The following IRAG1 variants were observed in gnomAD, a reference collection of about 807,000 sequenced individuals.
The protein encoded by IRAG1 is IP3R-associated cGMP kinase substrate.
A neutral mutation model predicts 106.2 loss-of-function variants in IRAG1; 62 were observed. That is an observed-to-expected ratio of 0.58 (90% CI 0.48 to 0.72). The LOEUF (loss-of-function observed/expected upper bound fraction) is 0.72. Ranked by LOEUF, IRAG1 falls within the 30% of genes least tolerant of loss-of-function variation. The pLI, the probability that IRAG1 is intolerant of heterozygous loss-of-function variation, is 0.00. For synonymous variants in IRAG1, 462 were observed against 443.9 expected (o/e 1.04, Z -0.51); for missense variants, 1,064 against 1,140.7 (o/e 0.93, Z 0.97).
intron 14 of IRAG1, 45 bp from the exon 15 acceptor site, chr11:10,601,104 G>T: frequency 6.2e-7 from 1 of 1,608,504 alleles, no homozygotes; most frequent in Non-Finnish European, 8.5e-7. Context: ...TTGGAGGAAA[G>T]GCTCCGTTGG....
chr11:10,588,684 A>G (rs1852305086), intron 18 of IRAG1, among the ~76,000 whole-genome samples: 2 of 151,214 alleles, frequency 1.3e-5, no homozygotes, highest in Non-Finnish European at 3.0e-5. Flanking sequence ...TCTTCCCCCC[A>G]CTTCCCCAGT....
rs138023717 is a variant in IRAG1, at chr11:10,585,312, T to C, written c.2241-3326A>G. On this transcript the variant is annotated intron_variant, in intron 18 of 20. Coordinates refer to ENST00000423302, the MANE Select transcript of IRAG1 (RefSeq NM_130385.4). ...TTTCAGCTCCCCTATAGGGCTCTCA[T>C]ATACATTCTCTCACTTGATCTTTCC... 2.1e-3 allele frequency among the ~76,000 whole-genome samples: 324 copies of C among 152,244 alleles called. 1 individual carries two copies. The highest frequency in any genetic ancestry group is 7.5e-3 in the African/African-American group (310 of 41,576).
chr11:10,627,251 A>T (rs921662849), intron 8 of IRAG1, among the ~76,000 whole-genome samples: 4 of 152,108 alleles, frequency 2.6e-5, no homozygotes, highest in Non-Finnish European at 5.9e-5. Flanking sequence ...GTGACACTAA[A>T]TTCTACTGCT....
chr11:10,621,912 G>C (rs182489777), intron 10 of IRAG1, among the ~76,000 whole-genome samples: 14 of 152,240 alleles, frequency 9.2e-5, no homozygotes, highest in African/African-American at 3.4e-4. Flanking sequence ...CAAATACATA[G>C]AGACAGAAAG....
intron 1 of IRAG1, among the ~76,000 whole-genome samples, chr11:10,655,371 A>C (rs1858835708): frequency 6.6e-6 from 1 of 152,222 alleles, no homozygotes; most frequent in South Asian, 2.1e-4. Context: ...AGCCCGGAGA[A>C]GAGGAAGTGC....
At chr11:10,680,404 G>GAAAGAAAGGGAAA (rs1554935662) in intron 1 of IRAG1, among the ~76,000 whole-genome samples, 2 of 82,090 alleles carry the variant, frequency 2.4e-5, no homozygotes, top group Non-Finnish European at 4.3e-5. Flanking sequence ...AAGGAAGGAA[G>GAAAGAAAGGGAAA]GAAAGAAAGG....
chr11:10,693,628 C>A lies in IRAG1; in HGVS notation c.-26G>T, dbSNP rs1222491649. 1.6e-5 allele frequency: 24 copies of A among 1,534,130 alleles called. No homozygotes were observed. The East Asian group carries it at 5.6e-4, about 36-fold the overall frequency. On this transcript the variant is annotated 5_prime_UTR_variant, in exon 1 of 21. Transcript: ENST00000423302. The stretch of plus-strand genomic sequence containing the variant: ...TTAAGGTCAATGTTACATCTGGCTC[C>A]GGAGCTCAGAGCCGAGAAGCCTCTG...
At chr11:10,654,830 T>TTCCC (rs1858795516) in intron 1 of IRAG1, among the ~76,000 whole-genome samples, 1 of 152,162 alleles carries the variant, frequency 6.6e-6, no homozygotes, top group Admixed American at 6.5e-5. Context: ...GTGGGGAAGA[T>TTCCC]AAGACAGGAT....
rs80017019 is a variant in IRAG1, at chr11:10,693,019, A to C, written c.67+517T>G. Among the ~76,000 whole-genome samples the C allele has an allele frequency of 2.7e-3, 418 of 152,302 alleles. 2 individuals carry two copies. The highest frequency in any genetic ancestry group is 9.8e-3 in the African/African-American group (407 of 41,574). On this transcript the variant is annotated intron_variant, in intron 1 of 20. Transcript: ENST00000423302. Reference sequence around the variant, plus strand: ...AGGAGACAGGGACAGAGATAAAAACAGGGACTGTGACAAGAACACAGGATG... The same window carrying C: ...AGGAGACAGGGACAGAGATAAAAACCGGGACTGTGACAAGAACACAGGATG...
At chr11:10,660,316 TA>T (rs1239688866) in intron 1 of IRAG1, among the ~76,000 whole-genome samples, 7 of 152,228 alleles carry the variant, frequency 4.6e-5, no homozygotes, top group African/African-American at 1.7e-4. Context: ...ATTATTTTAC[TA>T]CATTTTACTA....
chr11:10,680,344 G>GGAAGGAAAGAAAGAAA (rs1861071125), intron 1 of IRAG1, among the ~76,000 whole-genome samples: 2 of 67,990 alleles, frequency 2.9e-5, no homozygotes, highest in African/African-American at 1.3e-4. Flanking sequence ...AAGGAAGGAA[G>GGAAGGAAAGAAAGAAA]GAAAGAAAGA....
At chr11:10,654,632 T>C (rs1858782426) in intron 1 of IRAG1, among the ~76,000 whole-genome samples, 1 of 152,204 alleles carries the variant, frequency 6.6e-6, no homozygotes, top group Non-Finnish European at 1.5e-5. Flanking sequence ...TAGGAGACGC[T>C]GGAGAACAGT....
At chr11:10,581,806 C>T in intron 19 of IRAG1, 61 bp downstream of exon 19, 1 of 1,582,806 alleles carries the variant, frequency 6.3e-7, no homozygotes, top group South Asian at 1.1e-5. Context: ...AAGAAAGACC[C>T]ATGGGAAGGC....
chr11:10,586,607 G>A (rs966635092), intron 18 of IRAG1, among the ~76,000 whole-genome samples: 2 of 151,972 alleles, frequency 1.3e-5, no homozygotes, highest in African/African-American at 4.8e-5. Flanking sequence ...TAGTAGAAAT[G>A]GGGTTTCACC....
At chr11:10,642,225 C>T (rs1434389821) in intron 2 of IRAG1, among the ~76,000 whole-genome samples, 6 of 152,326 alleles carry the variant, frequency 3.9e-5, no homozygotes, top group African/African-American at 1.4e-4. Flanking sequence ...AGCAAGCTCA[C>T]CCTCTAATAA....
In IRAG1 at chr11:10,631,999, G is replaced by A. The variant is rs1856730917; in HGVS notation, c.392C>T (p.Thr131Ile). The A allele has an allele frequency of 3.7e-6, 6 of 1,613,644 alleles. No homozygotes were observed. The East Asian group carries it at 8.9e-5, about 24-fold the overall frequency. Residue 131 changes from threonine to isoleucine, a missense_variant, in exon 4 of 21, where the codon ACA becomes ATA. Thr to Ile is a moderately conservative substitution (Grantham distance 89, BLOSUM62 -1). Coordinates refer to ENST00000423302, the MANE Select transcript of IRAG1 (RefSeq NM_130385.4). ...ATTGCCCTGGTCCTTACCCACAGATGTCAGGGAGGCAGTGGACACCTTCAA... is the reference window on the plus strand; with the variant it reads ...ATTGCCCTGGTCCTTACCCACAGATATCAGGGAGGCAGTGGACACCTTCAA... ...RHLKVSTASL[T>I]SVDPAGHIID...
At chr11:10,631,041 G>A (rs1032906398) in intron 4 of IRAG1, among the ~76,000 whole-genome samples, 2 of 152,196 alleles carry the variant, frequency 1.3e-5, no homozygotes, top group Non-Finnish European at 2.9e-5. Flanking sequence ...GGAGTTGCTG[G>A]TAGCTATTGG....
In IRAG1 at chr11:10,642,339, G is replaced by A. The variant is rs118043978; in HGVS notation, c.226-8268C>T. On this transcript the variant is annotated intron_variant, in intron 2 of 20. Transcript: ENST00000423302. Reference sequence around the variant, plus strand: ...GGAATGCACAATAGTTTTCCTAACCGCCTGGGCACAGGGATAAATATAGGC... The same window carrying A: ...GGAATGCACAATAGTTTTCCTAACCACCTGGGCACAGGGATAAATATAGGC... Among the ~76,000 whole-genome samples, 540 of 152,302 alleles carry A rather than the reference G, an allele frequency of 3.5e-3. 11 individuals carry two copies. The East Asian group carries it at 0.055, about 15-fold the overall frequency.
At chr11:10,583,940 T>A (rs1289911207) in intron 18 of IRAG1, among the ~76,000 whole-genome samples, 2 of 151,630 alleles carry the variant, frequency 1.3e-5, no homozygotes, top group Non-Finnish European at 2.9e-5. Context: ...GGAAGGTCTG[T>A]GGAGAGAGGA....
Sources: gnomAD v4.1 joint callset for allele counts (sites outside exome capture counted in the v4.1 genomes callset) on GRCh38, gnomAD v4.1.1 for gene constraint, MANE v1.5 for transcripts, NCBI Gene and HGNC (gene_info 2026-07-23, HGNC 2026-07-21) for gene names.